Variants in PDE4D observed in about 807,000 individuals in gnomAD.
PDE4D encodes the protein phosphodiesterase 4D, also known as 3',5'-cyclic-AMP phosphodiesterase 4D.
A neutral mutation model predicts 87.4 loss-of-function variants in PDE4D; 24 were observed. The ratio of observed to expected loss-of-function variants is 0.27; its 90% CI spans 0.20 to 0.39. The LOEUF is 0.39. Among genes scored for constraint, PDE4D ranks in the 10% least tolerant of loss-of-function variants. The pLI, the probability that PDE4D is intolerant of heterozygous loss-of-function variation, is 1.00. For missense variants in PDE4D, 714 were observed against 1,041.0 expected, an observed-to-expected ratio of 0.69 and a Z score of 4.32; for synonymous variants, 384 against 383.2, an observed-to-expected ratio of 1.00 and a Z score of -0.02.
chr5:59,801,785 G>T (rs1481718515), intron 1 of PDE4D, among the ~76,000 whole-genome samples: 1 of 152,062 alleles, frequency 6.6e-6, no homozygotes, highest in Non-Finnish European at 1.5e-5. Flanking sequence ...AATAATTAAT[G>T]ACAAGAACAA....
At chr5:59,291,004 C>T (rs745687840) in intron 1 of PDE4D, among the ~76,000 whole-genome samples, 35 of 152,110 alleles carry the variant, frequency 2.3e-4, no homozygotes, top group Admixed American at 5.9e-4. Flanking sequence ...AGTACAACCA[C>T]TATGGAGAAC....
chr5:60,317,945 T>C (rs1755797875), intron 1 of PDE4D, among the ~76,000 whole-genome samples: 1 of 152,226 alleles, frequency 6.6e-6, no homozygotes, highest in Non-Finnish European at 1.5e-5. Flanking sequence ...GGTGTGGTAC[T>C]GAGAAGATGT....
chr5:59,251,804 A>G (rs1203739716), intron 1 of PDE4D, among the ~76,000 whole-genome samples: 2 of 152,192 alleles, frequency 1.3e-5, no homozygotes, highest in Non-Finnish European at 2.9e-5. Flanking sequence ...AGATTAGACA[A>G]AGAGAATGAG....
intron 1 of PDE4D, among the ~76,000 whole-genome samples, chr5:59,302,930 T>C (rs1302359084): frequency 6.6e-6 from 1 of 152,204 alleles, no homozygotes; most frequent in Non-Finnish European, 1.5e-5. Context: ...AAGTGGTAGT[T>C]CTACTTTTAG....
chr5:60,100,173 A>G (rs1411410638), intron 2 of PDE4D, among the ~76,000 whole-genome samples: 1 of 152,020 alleles, frequency 6.6e-6, no homozygotes, highest in East Asian at 1.9e-4. Context: ...AAAGGAAGGA[A>G]ATTGATAAAA....
At chr5:59,566,059 C>T (rs958953144) in intron 1 of PDE4D, among the ~76,000 whole-genome samples, 4 of 152,138 alleles carry the variant, frequency 2.6e-5, no homozygotes, top group Non-Finnish European at 5.9e-5. Flanking sequence ...AACTACTATA[C>T]CACCTCTTAG....
intron 1 of PDE4D, among the ~76,000 whole-genome samples, chr5:59,507,679 A>AAAAAGAAAAGAAAAG (rs557621145): frequency 3.3e-4 from 39 of 118,708 alleles, no homozygotes; most frequent in African/African-American, 7.7e-4. Context: ...AAAAAAAAAA[A>AAAAAGAAAAGAAAAG]AAAAGAAAAG....
At chr5:59,679,496 T>C (rs1015046728) in intron 1 of PDE4D, among the ~76,000 whole-genome samples, 3 of 152,180 alleles carry the variant, frequency 2.0e-5, no homozygotes, top group African/African-American at 7.2e-5. Flanking sequence ...AATTCTGTAA[T>C]ACAAACCCTT....
intron 1 of PDE4D, among the ~76,000 whole-genome samples, chr5:59,262,831 T>C (rs908982689): frequency 2.0e-5 from 3 of 151,948 alleles, no homozygotes; most frequent in African/African-American, 4.8e-5. Flanking sequence ...GTGCAACACA[T>C]TTATCAGCAT....
intron 2 of PDE4D, among the ~76,000 whole-genome samples, chr5:60,100,670 G>A (rs897586934): frequency 6.6e-6 from 1 of 152,060 alleles, no homozygotes; most frequent in African/African-American, 2.4e-5. Context: ...CTTCAACCTT[G>A]CATTGTTTTA....
chr5:59,598,553 A>G (rs1447468661), intron 1 of PDE4D, among the ~76,000 whole-genome samples: 1 of 152,164 alleles, frequency 6.6e-6, no homozygotes, highest in African/African-American at 2.4e-5. Context: ...GATTAGAGGC[A>G]CAGTCCATTT....
intron 1 of PDE4D, among the ~76,000 whole-genome samples, chr5:59,708,087 C>A (rs567431807): frequency 2.6e-4 from 40 of 152,232 alleles, no homozygotes; most frequent in Middle Eastern, 6.8e-3. Flanking sequence ...AGTGTAAAAG[C>A]GTTCCTACTT....
intron 1 of PDE4D, among the ~76,000 whole-genome samples, chr5:60,402,128 T>C (rs1222003293): frequency 6.6e-6 from 1 of 152,196 alleles, no homozygotes; most frequent in Non-Finnish European, 1.5e-5. Context: ...TGGTGGTGAT[T>C]GTTTCTTTGT....
intron 1 of PDE4D, among the ~76,000 whole-genome samples, chr5:59,434,995 G>T (rs1444462099): frequency 6.6e-6 from 1 of 152,082 alleles, no homozygotes; most frequent in Non-Finnish European, 1.5e-5. Flanking sequence ...GACACTGAGG[G>T]ATAAGATATA....
rs1400996052 is a variant in PDE4D, at chr5:59,659,536, T to A, written c.455+233632A>T. On this transcript the variant is annotated intron_variant, in intron 1 of 14. Transcript: ENST00000340635. ...GTGGCCTCCAGGCCTTTCCGATAAT[T>A]ATGTCATAAGAAGAGATTAGGAGTC... 2.0e-5 allele frequency among the ~76,000 whole-genome samples: 3 copies of A among 152,224 alleles called. No homozygotes were observed. The East Asian group carries it at 5.8e-4, about 29-fold the overall frequency.
At chr5:58,986,196 G>A (rs1165211601) in intron 11 of PDE4D, among the ~76,000 whole-genome samples, 1 of 152,184 alleles carries the variant, frequency 6.6e-6, no homozygotes, top group Non-Finnish European at 1.5e-5. Flanking sequence ...TCCCAGGCAG[G>A]TCACCAGCAA....
upstream of PDE4D, among the ~76,000 whole-genome samples, chr5:59,896,465 G>A (rs1435825956): frequency 6.6e-6 from 1 of 152,068 alleles, no homozygotes; most frequent in Non-Finnish European, 1.5e-5. Flanking sequence ...AAAGACCCAG[G>A]CTCCATGAAG....
At chr5:59,852,116 A>G (rs567516287) in intron 1 of PDE4D, among the ~76,000 whole-genome samples, 3 of 152,050 alleles carry the variant, frequency 2.0e-5, no homozygotes, top group Non-Finnish European at 4.4e-5. Context: ...ACTCTTGGGA[A>G]CCACAATAAA....
intron 1 of PDE4D, among the ~76,000 whole-genome samples, chr5:59,883,129 G>C (rs1749690858): frequency 6.6e-6 from 1 of 152,160 alleles, no homozygotes; most frequent in African/African-American, 2.4e-5. Context: ...GACCCAATTT[G>C]GGCTGGTGTC....
Sources: gnomAD v4.1 joint callset for allele counts (sites outside exome capture counted in the v4.1 genomes callset) on GRCh38, gnomAD v4.1.1 for gene constraint, MANE v1.5 for transcripts, NCBI Gene and HGNC (gene_info 2026-07-23, HGNC 2026-07-21) for gene names.